Variants in TNN observed in about 807,000 individuals in gnomAD.
The protein encoded by TNN is tenascin N.
In TNN, 122 loss-of-function variants were observed where a neutral mutation model predicts 134.4. The observed-to-expected ratio is 0.91, with a 90% CI of 0.78 to 1.06. The LOEUF (loss-of-function observed/expected upper bound fraction) is 1.06, where lower values mean the gene tolerates loss of function less well. Ranked by LOEUF, TNN falls within the 50% of genes least tolerant of loss-of-function variation. The pLI is 0.00. For missense variants in TNN, 1,739 were observed against 1,699.4 expected (o/e 1.02, Z -0.41); for synonymous variants, 710 against 670.3 (o/e 1.06, Z -0.91).
chr1:175,128,775 T>C, intron 15 of TNN, 29 bp downstream of exon 15: 1 of 1,584,236 alleles, frequency 6.3e-7, no homozygotes, highest in Non-Finnish European at 8.6e-7. Context: ...TGGGGAGCTC[T>C]GTGTAGGGCC....
At chr1:175,090,656 T>C (rs4618928) in intron 6 of TNN, among the ~76,000 whole-genome samples, 83,403 of 152,120 alleles carry the variant, frequency 0.55, 23,468 homozygotes, top group African/African-American at 0.69. Flanking sequence ...TACCCAACTC[T>C]GTGGCAAATC....
Position 175,079,579 on chromosome 1 carries a change from G to A in TNN, c.656G>A (p.Cys219Tyr). Residue 219 changes from cysteine to tyrosine, a missense_variant, in exon 3 of 19, where the codon TGC (cysteine) becomes TAC (tyrosine). By Grantham distance (194) the Cys-to-Tyr change is radical. Transcript: ENST00000239462. ...GAGTGCGTGCGCGGCGTGTGCCAGT[G>A]CCACGAAGACTTCATGTCGGAGGAC... ...HGECVRGVCQ[C>Y]HEDFMSEDCS... 1.3e-6 allele frequency: 2 copies of A among 1,588,090 alleles called. No individual in the cohort carries two copies. Among genetic ancestry groups the A allele is most frequent in the African/African-American group, 1.3e-5 (1 of 74,376 alleles).
chr1:175,146,329 TCA>T (rs1676067896), intron 18 of TNN, among the ~76,000 whole-genome samples: 1 of 152,232 alleles, frequency 6.6e-6, no homozygotes, highest in African/African-American at 2.4e-5. Context: ...ATTATTTACC[TCA>T]CAAATTAAAA....
chr1:175,135,988 T>C, intron 16 of TNN, 47 bp downstream of exon 16: 1 of 1,395,476 alleles, frequency 7.2e-7, no homozygotes, highest in South Asian at 1.2e-5. Flanking sequence ...GGGTGATTTC[T>C]CCCAGGACAA....
chr1:175,118,661 G>T lies in TNN; in HGVS notation c.2487G>T (p.Val829=), dbSNP rs578200909. The T allele has an allele frequency of 3.1e-6, 5 of 1,614,122 alleles. No individual in the cohort carries two copies. Among genetic ancestry groups the T allele is most frequent in the African/African-American group, 2.7e-5 (2 of 74,942 alleles). Residue 829 remains valine, a synonymous_variant, in exon 11 of 19, where the codon GTG becomes GTT. Transcript: ENST00000239462. ...PVQATIDRYV[V]HYTSANGETR... Reference sequence around the variant, plus strand: ...AGGCCACCATTGACAGGTATGTGGTGCACTACACGTCTGCCAACGGAGAGA... The same window carrying T: ...AGGCCACCATTGACAGGTATGTGGTTCACTACACGTCTGCCAACGGAGAGA...
At chr1:175,145,817 G>A (rs1470707160) in intron 18 of TNN, among the ~76,000 whole-genome samples, 1 of 151,918 alleles carries the variant, frequency 6.6e-6, no homozygotes, top group East Asian at 1.9e-4. Context: ...CTGACTCTTT[G>A]ACAGCTGCGG....
intron 11 of TNN, among the ~76,000 whole-genome samples, chr1:175,120,396 A>G (rs969428177): frequency 6.6e-6 from 1 of 152,268 alleles, no homozygotes; most frequent in Non-Finnish European, 1.5e-5. Flanking sequence ...TAGGATATAC[A>G]TAGACAGAAA....
At chr1:175,088,832 G>A (rs552703198) in intron 6 of TNN, among the ~76,000 whole-genome samples, 4 of 152,300 alleles carry the variant, frequency 2.6e-5, no homozygotes, top group South Asian at 2.1e-4. Flanking sequence ...GGGGATCACA[G>A]CAATAATGTG....
intron 6 of TNN, among the ~76,000 whole-genome samples, 178 bp downstream of exon 6, chr1:175,085,672 C>A (rs1017945590): frequency 6.6e-6 from 1 of 151,932 alleles, no homozygotes; most frequent in Non-Finnish European, 1.5e-5. Context: ...GTCGGGAGTT[C>A]GAGACCAGCC....
intron 12 of TNN, 37 bp downstream of exon 12, chr1:175,123,700 CTTAT>C: frequency 6.2e-7 from 1 of 1,611,344 alleles, no homozygotes; most frequent in East Asian, 2.2e-5. Context: ...ACACCTCACA[CTTAT>C]CAGGAGAGAA....
At chr1:175,143,031 G>A (rs1362077710) in intron 17 of TNN, among the ~76,000 whole-genome samples, 1 of 152,146 alleles carries the variant, frequency 6.6e-6, no homozygotes, top group African/African-American at 2.4e-5. Flanking sequence ...GCCCCCCATT[G>A]AAACAAGGAA....
chr1:175,083,644 T>G, intron 4 of TNN, 106 bp from the exon 5 acceptor site: 558 of 1,039,898 alleles, frequency 5.4e-4, no homozygotes, highest in Non-Finnish European at 7.1e-4. Flanking sequence ...AGCCAGCTCT[T>G]GAGATGTCAA....
At chr1:175,134,769 C>T (rs1675755689) in intron 15 of TNN, among the ~76,000 whole-genome samples, 1 of 152,082 alleles carries the variant, frequency 6.6e-6, no homozygotes. Context: ...ATTCTCAGGG[C>T]ATTCCTCATC....
intron 1 of TNN, among the ~76,000 whole-genome samples, chr1:175,076,721 G>T (rs1674048030): frequency 6.6e-6 from 1 of 152,214 alleles, no homozygotes; most frequent in Non-Finnish European, 1.5e-5. Context: ...AGGACAACTT[G>T]CTCAGCTTTC....
chr1:175,135,783 T>G, intron 15 of TNN, 62 bp from the exon 16 acceptor site: 1 of 1,367,080 alleles, frequency 7.3e-7, no homozygotes, highest in Non-Finnish European at 1.0e-6. Flanking sequence ...TGGTCTTCTC[T>G]TGTCTCCCAG....
chr1:175,077,596 G>A lies in TNN; in HGVS notation c.178G>A (p.Ala60Thr), dbSNP rs1023226246. The stretch of plus-strand genomic sequence containing the variant: ...CAAGTCTGCCTTGGTTCAGGTTGAC[G>A]CTGACCCTCAGCCCCTCAGTGACGA... ...VPKSALVQVD[A>T]DPQPLSDDGA... Residue 60 changes from alanine (A) to threonine (T), a missense_variant, in exon 2 of 19, where the codon GCT becomes ACT. Ala to Thr is a moderately conservative substitution (Grantham distance 58). Transcript: ENST00000239462. The A allele has an allele frequency of 3.1e-6, 5 of 1,614,078 alleles. No homozygotes were observed. In the African/African-American group the frequency reaches 4.0e-5, roughly 13 times the overall value.
At chr1:175,122,604 G>C (rs1312043875) in intron 11 of TNN, among the ~76,000 whole-genome samples, 9 of 152,206 alleles carry the variant, frequency 5.9e-5, no homozygotes, top group Non-Finnish European at 1.2e-4. Flanking sequence ...AGTTGAGAAT[G>C]GCAAGTATGC....
intron 9 of TNN, among the ~76,000 whole-genome samples, chr1:175,108,876 C>A (rs987768842): frequency 3.3e-5 from 5 of 150,826 alleles, no homozygotes; most frequent in Non-Finnish European, 7.4e-5. Flanking sequence ...GAGTGGGCTC[C>A]AGCCTTGGCC....
chr1:175,116,606 C>G (rs1268855762), intron 9 of TNN, among the ~76,000 whole-genome samples: 4 of 152,206 alleles, frequency 2.6e-5, no homozygotes, highest in Non-Finnish European at 5.9e-5. Flanking sequence ...CTGAACTGTC[C>G]GGAGCCACAA....
Sources: gnomAD v4.1 joint callset for allele counts (sites outside exome capture counted in the v4.1 genomes callset) on GRCh38, gnomAD v4.1.1 for gene constraint, MANE v1.5 for transcripts, NCBI Gene and HGNC (gene_info 2026-07-23, HGNC 2026-07-21) for gene names.